PRKCQ: variants seen among roughly 807,000 people sequenced by gnomAD.
The protein encoded by PRKCQ is protein kinase C theta, also known as protein kinase C theta type.
In PRKCQ, 41 loss-of-function variants were observed where a neutral mutation model predicts 91.2. That is an observed-to-expected ratio of 0.45 (90% CI 0.35 to 0.58). The LOEUF is 0.58. PRKCQ is among the 20% of genes least tolerant of loss of function. The probability of loss-of-function intolerance (pLI) is 0.00; values close to 1 mark genes in which losing one functional copy is unlikely to be tolerated. For missense variants in PRKCQ, 673 were observed against 896.5 expected (o/e 0.75, Z 3.18); for synonymous variants, 307 against 316.9 (o/e 0.97, Z 0.33).
chr10:6,415,657 T>C, the PRKCQ span, among the ~76,000 whole-genome samples: 2,573 of 151,682 alleles, frequency 0.017, 65 homozygotes, highest in Middle Eastern at 0.051. Context: ...CAGAACCATA[T>C]GTTTGTACTA....
At chr10:6,440,960 C>T (rs1045928137) in intron 16 of PRKCQ, among the ~76,000 whole-genome samples, 2 of 152,036 alleles carry the variant, frequency 1.3e-5, no homozygotes, top group Non-Finnish European at 2.9e-5. Flanking sequence ...TGCACTGCAG[C>T]CTGGGTGAGG....
chr10:6,457,861 GA>G (rs1299009431), intron 14 of PRKCQ, among the ~76,000 whole-genome samples: 2 of 152,058 alleles, frequency 1.3e-5, no homozygotes, highest in Non-Finnish European at 2.9e-5. Flanking sequence ...TTTCCTTTAT[GA>G]AGTGCCATTA....
intron 11 of PRKCQ, among the ~76,000 whole-genome samples, chr10:6,479,638 A>T (rs1344714770): frequency 6.6e-6 from 1 of 151,986 alleles, no homozygotes; most frequent in African/African-American, 2.4e-5. Flanking sequence ...GTACTTAAAA[A>T]ATAAACACCG....
chr10:6,526,454 A>T (rs1839200096), intron 1 of PRKCQ, among the ~76,000 whole-genome samples: 1 of 152,192 alleles, frequency 6.6e-6, no homozygotes, highest in Non-Finnish European at 1.5e-5. Flanking sequence ...CCATGAAACA[A>T]ACTAAGCAGA....
intron 11 of PRKCQ, among the ~76,000 whole-genome samples, chr10:6,483,057 T>C (rs1241483396): frequency 6.6e-6 from 1 of 152,034 alleles, no homozygotes; most frequent in East Asian, 1.9e-4. Context: ...AAAAATCACA[T>C]GCAAACTAAA....
chr10:6,507,143 G>C (rs544972009), intron 4 of PRKCQ, among the ~76,000 whole-genome samples: 1 of 152,264 alleles, frequency 6.6e-6, no homozygotes, highest in South Asian at 2.1e-4. Context: ...ACAGTCTTTT[G>C]TATTTAGACT....
chr10:6,458,117 G>T (rs12775595), intron 14 of PRKCQ, among the ~76,000 whole-genome samples: 8,835 of 152,152 alleles, frequency 0.058, 563 homozygotes, highest in East Asian at 0.35. Context: ...AAAATTTTTT[G>T]TAGAGACAAG....
At chr10:6,498,710 T>C (rs1204246396) in intron 4 of PRKCQ, 152 bp from the exon 5 acceptor site, 4 of 677,242 alleles carry the variant, frequency 5.9e-6, no homozygotes, top group Non-Finnish European at 1.0e-5. Context: ...TTATGGTGGG[T>C]ACCACACTAA....
At chr10:6,491,641 G>T in intron 8 of PRKCQ, 42 bp downstream of exon 8, 1 of 1,610,368 alleles carries the variant, frequency 6.2e-7, no homozygotes. Flanking sequence ...CCATCCCCTA[G>T]GGGGTCCACG....
At chr10:6,512,465 G>A (rs1264833344) in intron 2 of PRKCQ, among the ~76,000 whole-genome samples, 1 of 152,206 alleles carries the variant, frequency 6.6e-6, no homozygotes, top group East Asian at 1.9e-4. Context: ...TTGGCAAAGA[G>A]TTTACTAATT....
At chr10:6,534,776 A>ATATCTATCTATC (rs1460511203) in intron 1 of PRKCQ, among the ~76,000 whole-genome samples, 4 of 26,124 alleles carry the variant, frequency 1.5e-4, no homozygotes, top group African/African-American at 2.4e-4. Flanking sequence ...ACATATATCT[A>ATATCTATCTATC]TATATATATA....
At chr10:6,566,933 G>A (rs770917400) in intron 1 of PRKCQ, among the ~76,000 whole-genome samples, 53 of 151,982 alleles carry the variant, frequency 3.5e-4, no homozygotes, top group African/African-American at 7.3e-4. Flanking sequence ...TGATATGAAC[G>A]TTTGGAAACC....
At chr10:6,520,973 T>G (rs1277395156) in intron 1 of PRKCQ, among the ~76,000 whole-genome samples, 5 of 152,160 alleles carry the variant, frequency 3.3e-5, no homozygotes, top group Admixed American at 2.0e-4. Context: ...ACGAGTGCAT[T>G]TGGGTGCCTT....
In PRKCQ at chr10:6,515,003, T is replaced by C. The variant is rs2130869087; in HGVS notation, c.118+15A>G. The C allele has an allele frequency of 6.2e-7, 1 of 1,612,206 alleles. No individual in the cohort carries two copies. Among genetic ancestry groups the C allele is most frequent in the Non-Finnish European group, 8.5e-7 (1 of 1,179,782 alleles). On this transcript the variant is annotated intron_variant, in intron 2 of 17. Coordinates refer to ENST00000263125, the MANE Select transcript of PRKCQ (RefSeq NM_006257.5). ...TCCTCCTCCTCCCCCGCTTTGAAAA[T>C]CCCCTCAAGCTTACCTGATTCGACA...
chr10:6,401,600 A>G, the PRKCQ span, among the ~76,000 whole-genome samples: 3 of 151,784 alleles, frequency 2.0e-5, no homozygotes, highest in African/African-American at 7.3e-5. Flanking sequence ...TTTACTGATT[A>G]CAACACCTGG....
intron 1 of PRKCQ, among the ~76,000 whole-genome samples, chr10:6,532,579 C>T (rs1839432561): frequency 6.6e-6 from 1 of 152,240 alleles, no homozygotes; most frequent in Non-Finnish European, 1.5e-5. Context: ...CGACTGCACC[C>T]AATCTTGTCT....
At chr10:6,398,709 A>C in the PRKCQ span, among the ~76,000 whole-genome samples, 1 of 152,268 alleles carries the variant, frequency 6.6e-6, no homozygotes, top group African/African-American at 2.4e-5. Flanking sequence ...CAGTAGAGCA[A>C]GGAACGAGTC....
At position 6,453,210 on chromosome 10, in the gene PRKCQ, C is replaced by G. The variant is rs1336580949; in HGVS notation, c.1647+3464G>C. The stretch of plus-strand genomic sequence containing the variant: ...GCTAATATCCAGAATCTACAATGAA[C>G]TCAAACAAATTTACAAGAAAAAAAC... On this transcript the variant is annotated intron_variant, in intron 15 of 17. Transcript: ENST00000263125. Among the ~76,000 whole-genome samples the G allele has an allele frequency of 5.9e-5, 9 of 151,842 alleles. No homozygotes were observed. In the South Asian group the frequency reaches 1.9e-3, roughly 32 times the overall value.
At chr10:6,486,185 C>G (rs902708883) in intron 8 of PRKCQ, 41 bp from the exon 9 acceptor site, 2 of 1,519,188 alleles carry the variant, frequency 1.3e-6, no homozygotes, top group East Asian at 2.3e-5. Context: ...AGTGGAAGAA[C>G]CCCCTGGTGC....
Sources: allele counts gnomAD v4.1 joint callset (sites outside exome capture counted in the v4.1 genomes callset), GRCh38; gene constraint gnomAD v4.1.1; transcripts MANE v1.5; gene names NCBI Gene and HGNC (gene_info 2026-07-23, HGNC 2026-07-21).